The following CACNB2 variants were observed in gnomAD, a reference collection of about 807,000 sequenced individuals.
The protein encoded by CACNB2 is calcium voltage-gated channel auxiliary subunit beta 2, also known as voltage-dependent L-type calcium channel subunit beta-2.
In CACNB2, 42 loss-of-function variants were observed where a neutral mutation model predicts 73.3. That is an observed-to-expected ratio of 0.57 (90% CI 0.45 to 0.74). The LOEUF (loss-of-function observed/expected upper bound fraction) is 0.74, where lower values mean the gene tolerates loss of function less well. Ranked by LOEUF, CACNB2 falls within the 30% of genes least tolerant of loss-of-function variation. CACNB2 has a pLI of 0.00. For missense variants in CACNB2, 940 were observed against 853.0 expected (o/e 1.10, Z -1.27); for synonymous variants, 348 against 310.3 (o/e 1.12, Z -1.28).
rs79380771 is a variant in CACNB2 at position 18,203,976 on chromosome 10, G to A, written c.213+53001G>A. On this transcript the variant is annotated intron_variant, in intron 2 of 13. Coordinates refer to ENST00000324631, the MANE Select transcript of CACNB2 (RefSeq NM_201596.3). Reference sequence around the variant, plus strand: ...GTTTTTGTAAAGGTTGGATTTATAAGCTTCAATAAAAACAGGCTCATTCAA... The same window carrying A: ...GTTTTTGTAAAGGTTGGATTTATAAACTTCAATAAAAACAGGCTCATTCAA... Among the ~76,000 whole-genome samples, 505 of 149,092 alleles carry A rather than the reference G, an allele frequency of 3.4e-3. 8 individuals are homozygous for A. The East Asian group carries it at 0.066, about 19-fold the overall frequency.
intron 2 of CACNB2, among the ~76,000 whole-genome samples, chr10:18,303,404 C>T (rs1448904995): frequency 1.3e-5 from 2 of 152,050 alleles, no homozygotes; most frequent in African/African-American, 4.8e-5. Flanking sequence ...GCTCAGGGGG[C>T]TGAGATAGAA....
In CACNB2 at chr10:18,542,383, AAT is replaced by A. The variant is rs2054105558; in HGVS notation, c.*2662_*2663del. The A allele has an allele frequency of 6.6e-6, 1 of 152,212 alleles. No homozygotes were observed. The highest frequency in any genetic ancestry group is 6.5e-5 in the Admixed American group (1 of 15,274). The allele number at this position is 152,212 out of a possible 1,614,324, so 9.4% of individuals were successfully genotyped here. On this transcript the variant is annotated 3_prime_UTR_variant, in exon 14 of 14. Coordinates refer to ENST00000324631, the MANE Select transcript of CACNB2 (RefSeq NM_201596.3). ...ATTCTAATTAAAATTGAATTTATAA[AAT>A]ATTTCTGATAAAACTTTTGTCATGG...
chr10:18,259,188 TAAG>T (rs917226252), intron 2 of CACNB2, among the ~76,000 whole-genome samples: 3 of 152,184 alleles, frequency 2.0e-5, no homozygotes, highest in Admixed American at 2.0e-4. Context: ...GTCAGTTAAA[TAAG>T]GAGATTAAGG....
At chr10:18,239,130 CA>C (rs945108536) in intron 2 of CACNB2, among the ~76,000 whole-genome samples, 10 of 152,130 alleles carry the variant, frequency 6.6e-5, no homozygotes, top group African/African-American at 1.9e-4. Flanking sequence ...AAGTGTTGAA[CA>C]AAAGACTCCT....
At chr10:18,433,905 TGTTG>T (rs1460453264) in intron 3 of CACNB2, among the ~76,000 whole-genome samples, 4 of 140,192 alleles carry the variant, frequency 2.9e-5, no homozygotes, top group Non-Finnish European at 6.4e-5. Context: ...TTGTTGTTGT[TGTTG>T]TTGTTTTAAT....
chr10:18,327,950 T>A (rs1362732403), intron 2 of CACNB2, among the ~76,000 whole-genome samples: 1 of 152,096 alleles, frequency 6.6e-6, no homozygotes, highest in East Asian at 1.9e-4. Context: ...AGAGTGGAAG[T>A]TGAAGACATA....
At chr10:18,261,398 GCTGTTTTTATT>G (rs1194689078) in intron 2 of CACNB2, 72 of 1,547,816 alleles carry the variant, frequency 4.7e-5, no homozygotes, top group Non-Finnish European at 5.9e-5. Context: ...GCCTCTTTCA[GCTGTTTTTATT>G]CCCTGTGCTG....
chr10:18,365,593 T>C (rs2042314167), intron 2 of CACNB2, among the ~76,000 whole-genome samples: 1 of 152,144 alleles, frequency 6.6e-6, no homozygotes, highest in Non-Finnish European at 1.5e-5. Context: ...GCAGAAATCC[T>C]GTCCTTGTAC....
intron 2 of CACNB2, among the ~76,000 whole-genome samples, chr10:18,168,469 C>T (rs992464987): frequency 6.6e-6 from 1 of 151,504 alleles, no homozygotes; most frequent in African/African-American, 2.4e-5. Flanking sequence ...TTGATATCTT[C>T]ATCTAGATTT....
chr10:18,307,649 A>G, intron 2 of CACNB2, among the ~76,000 whole-genome samples: 1 of 152,232 alleles, frequency 6.6e-6, no homozygotes, highest in Middle Eastern at 3.2e-3. Flanking sequence ...TATTTGTTGC[A>G]TGAATTAAAA....
intron 3 of CACNB2, among the ~76,000 whole-genome samples, chr10:18,495,545 CTGTGTGTGTGTGTGTGTGTGTGTG>C (rs59858946): frequency 3.2e-5 from 4 of 124,620 alleles, no homozygotes; most frequent in South Asian, 5.2e-4. Flanking sequence ...AGTATAAAAA[CTGTGTGTGTGTGTGTGTGTGTGTG>C]TGTGTGTGTG....
intron 2 of CACNB2, among the ~76,000 whole-genome samples, chr10:18,297,798 A>G (rs2039337976): frequency 6.6e-6 from 1 of 152,088 alleles, no homozygotes; most frequent in Admixed American, 6.5e-5. Flanking sequence ...TCTTATGTGG[A>G]GGGAGGGATT....
At position 18,518,398 on chromosome 10, in the gene CACNB2, T is replaced by C; in HGVS notation, c.867T>C (p.Pro289=). 6.2e-7 allele frequency: 1 copy of C among 1,610,408 alleles called. No homozygotes were observed. The highest frequency in any genetic ancestry group is 8.5e-7 in the Non-Finnish European group (1 of 1,176,704). The change falls in exon 8 of 14, where the codon CCT becomes CCC. Residue 289 remains proline, a synonymous_variant. Coordinates refer to ENST00000324631, the MANE Select transcript of CACNB2 (RefSeq NM_201596.3). ...PSMRPVVLVG[P]SLKGYEVTDM... Reference sequence around the variant, plus strand: ...TGCGACCAGTGGTCCTAGTGGGCCCTTCTCTGAAGGGCTACGAGGTGGGTA... The same window carrying C: ...TGCGACCAGTGGTCCTAGTGGGCCCCTCTCTGAAGGGCTACGAGGTGGGTA...
At position 18,381,335 on chromosome 10, in the gene CACNB2, T is replaced by A. The variant is rs541735621; in HGVS notation, c.214-20589T>A. On this transcript the variant is annotated intron_variant, in intron 2 of 13. Coordinates refer to ENST00000324631, the MANE Select transcript of CACNB2 (RefSeq NM_201596.3). Reference sequence around the variant, plus strand: ...TGGTATATAAATTGGTAAAACCATTTGGTAATATACCTATTAAGGCTAAGC... The same window carrying A: ...TGGTATATAAATTGGTAAAACCATTAGGTAATATACCTATTAAGGCTAAGC... Among the ~76,000 whole-genome samples the A allele has an allele frequency of 2.0e-5, 3 of 151,956 alleles. No homozygotes were observed. In the South Asian group the frequency reaches 6.2e-4, roughly 32 times the overall value.
At chr10:18,426,695 A>T (rs984988380) in intron 3 of CACNB2, among the ~76,000 whole-genome samples, 6 of 152,188 alleles carry the variant, frequency 3.9e-5, no homozygotes, top group South Asian at 2.1e-4. Context: ...AAAATAAATT[A>T]AAAAATAAAA....
intron 2 of CACNB2, among the ~76,000 whole-genome samples, chr10:18,159,986 A>G (rs754305621): frequency 1.3e-5 from 2 of 152,240 alleles, no homozygotes; most frequent in African/African-American, 2.4e-5. Flanking sequence ...AGATATCAGT[A>G]TAAAAATATT....
intron 2 of CACNB2, among the ~76,000 whole-genome samples, chr10:18,244,033 T>C (rs2036766510): frequency 1.3e-5 from 2 of 152,210 alleles, no homozygotes; most frequent in African/African-American, 4.8e-5. Context: ...ACTGTAGTGC[T>C]GCATTGCTGG....
chr10:18,207,102 G>A lies in CACNB2; in HGVS notation c.213+56127G>A, dbSNP rs955134625. The stretch of plus-strand genomic sequence containing the variant: ...CAGCTCACTGCAACCTCTACCTCCC[G>A]GGTTCAAGTGATTCTCCTGCCTCAG... On this transcript the variant is annotated intron_variant, in intron 2 of 13. Transcript: ENST00000324631. Among the ~76,000 whole-genome samples the A allele has an allele frequency of 1.8e-4, 28 of 152,166 alleles. No individual in the cohort carries two copies. The East Asian group carries it at 3.3e-3, about 18-fold the overall frequency.
intron 2 of CACNB2, among the ~76,000 whole-genome samples, chr10:18,231,185 C>A (rs781523142): frequency 2.0e-5 from 3 of 152,010 alleles, no homozygotes; most frequent in South Asian, 2.1e-4. Context: ...TTTTCTTCTT[C>A]TTCTTTTTTG....
Sources: gnomAD v4.1 joint callset for allele counts (sites outside exome capture counted in the v4.1 genomes callset) on GRCh38, gnomAD v4.1.1 for gene constraint, MANE v1.5 for transcripts, NCBI Gene and HGNC (gene_info 2026-07-23, HGNC 2026-07-21) for gene names.